The following PTPN20 variants were observed in gnomAD, a reference collection of about 807,000 sequenced individuals.
The protein encoded by PTPN20 is protein tyrosine phosphatase non-receptor type 20.
A neutral mutation model predicts 35.0 loss-of-function variants in PTPN20; 9 were observed. The ratio of observed to expected loss-of-function variants is 0.26; its 90% CI spans 0.15 to 0.45. PTPN20 has a LOEUF of 0.45. Among genes scored for constraint, PTPN20 ranks in the 20% least tolerant of loss-of-function variants. PTPN20 has a pLI of 1.00. For missense variants in PTPN20, 111 were observed against 312.5 expected, an observed-to-expected ratio of 0.36 and a Z score of 4.86; for synonymous variants, 32 against 100.2, an observed-to-expected ratio of 0.32 and a Z score of 4.06.
chr10:46,982,513 CT>C lies in PTPN20; in HGVS notation c.584-1709del, dbSNP rs1413078896. 2.4e-3 allele frequency among the ~76,000 whole-genome samples: 355 copies of C among 151,040 alleles called. 2 individuals carry two copies. The highest frequency in any genetic ancestry group is 8.4e-3 in the African/African-American group (344 of 41,110). Reference sequence around the variant, plus strand: ...AATCATTATTGTAGGTTTTTTTAATCTTTTTTTTCTGAGTTCTGGGAAAATT... The same window carrying C: ...AATCATTATTGTAGGTTTTTTTAATCTTTTTTTCTGAGTTCTGGGAAAATT... On this transcript the variant is annotated intron_variant, in intron 7 of 10. Coordinates refer to ENST00000374339, the MANE Select transcript of PTPN20 (RefSeq NM_001042357.5).
At chr10:47,000,049 A>G (rs1555184385) in intron 10 of PTPN20, 75 bp downstream of exon 10, 5 of 1,588,620 alleles carry the variant, frequency 3.1e-6, no homozygotes, top group Non-Finnish European at 4.3e-6. Flanking sequence ...TTTACCACTT[A>G]AAAGCTCTTT....
intron 7 of PTPN20, among the ~76,000 whole-genome samples, chr10:46,975,739 G>A (rs1369213330): frequency 2.0e-5 from 3 of 152,068 alleles, no homozygotes; most frequent in South Asian, 2.1e-4. Flanking sequence ...TCAGCTCACC[G>A]CACCCTTTGC....
At chr10:46,977,020 T>C (rs1395858451) in intron 7 of PTPN20, among the ~76,000 whole-genome samples, 1 of 152,182 alleles carries the variant, frequency 6.6e-6, no homozygotes. Flanking sequence ...AGCTATTTGG[T>C]CAAATATTAG....
chr10:47,002,390 G>C (rs900495484), downstream of PTPN20: 2 of 151,926 alleles, frequency 1.3e-5, no homozygotes, highest in African/African-American at 4.8e-5. Context: ...CACAATGCTT[G>C]ATGTTAAACA....
At chr10:46,939,939 A>G (rs2133878839) in intron 2 of PTPN20, among the ~76,000 whole-genome samples, 1 of 152,294 alleles carries the variant, frequency 6.6e-6, no homozygotes, top group African/African-American at 2.4e-5. Context: ...GTAATATGCC[A>G]TGCCATAGAA....
chr10:47,002,061 A>C lies in PTPN20; in HGVS notation c.*1320A>C, dbSNP rs2060085927. The C allele has an allele frequency of 6.6e-6, 1 of 152,028 alleles. No homozygotes were observed. Among genetic ancestry groups the C allele is most frequent in the Non-Finnish European group, 1.5e-5 (1 of 67,938 alleles). The allele number at this position is 152,028 out of a possible 1,614,324, so 9.4% of individuals were successfully genotyped here. ...TCTTTTGGCTGAATGAGTATATTTGAATTGGTTGAATAATTAATAATTCTC... is the reference window on the plus strand; with the variant it reads ...TCTTTTGGCTGAATGAGTATATTTGCATTGGTTGAATAATTAATAATTCTC... On this transcript the variant is annotated 3_prime_UTR_variant, in exon 11 of 11. Coordinates refer to ENST00000374339, the MANE Select transcript of PTPN20 (RefSeq NM_001042357.5).
intron 9 of PTPN20, 39 bp from the exon 10 acceptor site, chr10:46,999,873 C>G: frequency 6.2e-7 from 1 of 1,609,298 alleles, no homozygotes; most frequent in Non-Finnish European, 8.5e-7. Context: ...TGTTTTTCCC[C>G]CATGTGGATC....
intron 1 of PTPN20, among the ~76,000 whole-genome samples, chr10:46,920,438 G>A (rs1364550614): frequency 6.8e-6 from 1 of 148,090 alleles, no homozygotes; most frequent in African/African-American, 2.6e-5. Context: ...TGTAAGACAG[G>A]TAGATGTTCA....
chr10:46,947,634 A>G (rs2045345299), intron 5 of PTPN20, among the ~76,000 whole-genome samples: 2 of 151,776 alleles, frequency 1.3e-5, no homozygotes, highest in African/African-American at 4.8e-5. Context: ...GTATTTTTTT[A>G]TAGTTAACCC....
chr10:46,947,212 GTATA>G (rs1163672605), intron 5 of PTPN20, among the ~76,000 whole-genome samples: 50,865 of 129,162 alleles, frequency 0.39, 4,598 homozygotes, highest in African/African-American at 0.41. Context: ...ATGTGTATGT[GTATA>G]TATATATATA....
chr10:46,999,960 A>C lies in PTPN20; in HGVS notation c.1183A>C (p.Met395Leu). ...CCAAATGAGAGAACAACGTTCTGGC[A>C]TGGTTCAAACGAAGGTAAGCTTTCA... ...VAQMREQRSG[M>L]VQTKEQYHFC... The change falls in exon 10 of 11, where the codon ATG becomes CTG. Residue 395 changes from methionine to leucine, a missense_variant. Physicochemically the swap from Met to Leu is conservative, Grantham distance 15. Coordinates refer to ENST00000374339, the MANE Select transcript of PTPN20 (RefSeq NM_001042357.5). 6.2e-7 allele frequency: 1 copy of C among 1,613,842 alleles called. No homozygotes were observed.
rs2060069905 is a variant in PTPN20 at position 47,001,898 on chromosome 10, A to G, written c.*1157A>G. The G allele has an allele frequency of 6.6e-6, 1 of 152,130 alleles. No individual in the cohort carries two copies. The highest frequency in any genetic ancestry group is 1.5e-5 in the Non-Finnish European group (1 of 67,984). 9.4% of individuals were successfully genotyped at this position (152,130 alleles called of 1,614,324 possible). A position where few individuals can be genotyped will look rare whatever the true frequency, so the allele number is the denominator to read the frequency against. The stretch of plus-strand genomic sequence containing the variant: ...GGACAAGGAGTTCTGGTGACAAGCT[A>G]TACCTAATTATAAGCTATAAAACAA... On this transcript the variant is annotated 3_prime_UTR_variant, in exon 11 of 11. Coordinates refer to ENST00000374339, the MANE Select transcript of PTPN20 (RefSeq NM_001042357.5).
intron 1 of PTPN20, among the ~76,000 whole-genome samples, chr10:46,919,167 CT>C (rs2034209559): frequency 6.6e-6 from 1 of 152,082 alleles, no homozygotes; most frequent in African/African-American, 2.4e-5. Context: ...TTATCAATGT[CT>C]TTATATGTAC....
intron 7 of PTPN20, among the ~76,000 whole-genome samples, chr10:46,982,555 C>T (rs2055749132): frequency 6.7e-6 from 1 of 149,670 alleles, no homozygotes; most frequent in African/African-American, 2.5e-5. Context: ...AGCTGATTTT[C>T]TAAACATAAA....
At chr10:46,983,784 T>C (rs1555172207) in intron 7 of PTPN20, among the ~76,000 whole-genome samples, 1 of 143,074 alleles carries the variant, frequency 7.0e-6, no homozygotes, top group Admixed American at 6.8e-5. Context: ...ATCAGATTTT[T>C]TTTTTCCCCT....
At chr10:46,980,002 T>C (rs1186660946) in intron 7 of PTPN20, among the ~76,000 whole-genome samples, 1 of 150,996 alleles carries the variant, frequency 6.6e-6, no homozygotes, top group African/African-American at 2.4e-5. Flanking sequence ...GCTGATTGGA[T>C]CTAGTGAACA....
chr10:46,953,767 G>A (rs2047564048), intron 5 of PTPN20, among the ~76,000 whole-genome samples: 1 of 147,724 alleles, frequency 6.8e-6, no homozygotes, highest in Non-Finnish European at 1.5e-5. Flanking sequence ...GCCCAACTTT[G>A]TGATGGTGTA....
downstream of PTPN20, among the ~76,000 whole-genome samples, chr10:47,002,975 TCC>T (rs2060131749): frequency 2.6e-5 from 4 of 152,064 alleles, no homozygotes; most frequent in African/African-American, 9.7e-5. Context: ...TACTTTTATT[TCC>T]TACTTAATTT....
intron 3 of PTPN20, among the ~76,000 whole-genome samples, chr10:46,941,360 C>G (rs1213490325): frequency 7.5e-6 from 1 of 134,162 alleles, no homozygotes; most frequent in Non-Finnish European, 1.5e-5. Flanking sequence ...CCACCTCCAC[C>G]CCAGGTGGGC....
Sources: gnomAD v4.1 joint callset for allele counts (sites outside exome capture counted in the v4.1 genomes callset) on GRCh38, gnomAD v4.1.1 for gene constraint, MANE v1.5 for transcripts, NCBI Gene and HGNC (gene_info 2026-07-23, HGNC 2026-07-21) for gene names.